The following OSBPL3 variants were observed in gnomAD, a reference collection of about 807,000 sequenced individuals.
The protein encoded by OSBPL3 is oxysterol-binding protein-related protein 3.
Under a neutral mutation model 120.1 loss-of-function variants are expected in OSBPL3, and 65 were observed. The observed-to-expected ratio is 0.54, with a 90% CI of 0.44 to 0.67. The LOEUF is 0.67. Ranked by LOEUF, OSBPL3 falls within the 30% of genes least tolerant of loss-of-function variation. OSBPL3 has a pLI of 0.00. For synonymous variants in OSBPL3, 416 were observed against 402.6 expected (o/e 1.03, Z -0.40); for missense variants, 1,004 against 1,082.1 (o/e 0.93, Z 1.01).
chr7:24,916,372 A>C lies in OSBPL3; in HGVS notation c.-149-23751T>G, dbSNP rs1809548393. Among the ~76,000 whole-genome samples, 1 of 151,986 alleles carries C rather than the reference A, an allele frequency of 6.6e-6. No homozygotes were observed. The highest frequency in any genetic ancestry group is 1.5e-5 in the Non-Finnish European group (1 of 68,000). ...AGGCATGGCTGAAATAAATGTTAAC[A>C]TTTGTTATCTTCCGCTTGAGCTTTT... On this transcript the variant is annotated intron_variant, in intron 1 of 22. Transcript: ENST00000313367. The surrounding 1 kb of genome is among the most constrained non-coding windows in gnomAD (Gnocchi z 4.9).
intron 1 of OSBPL3, among the ~76,000 whole-genome samples, chr7:24,971,168 C>T (rs1816978515): frequency 6.6e-6 from 1 of 152,244 alleles, no homozygotes; most frequent in African/African-American, 2.4e-5. Flanking sequence ...CTGTTCAGCA[C>T]ACAGAGGGGG....
chr7:24,967,768 C>A lies in OSBPL3; in HGVS notation c.-150+12118G>T, dbSNP rs555178321. On this transcript the variant is annotated intron_variant, in intron 1 of 22. Transcript: ENST00000313367. This position sits in a 1 kb window ranked among gnomAD's most constrained non-coding sequence, Gnocchi z 5.6. ...GCCCCAAAGGTTCTATAGGTAAAGGCCCCCTTAACTGTCACAATTTTAACT... is the reference window on the plus strand; with the variant it reads ...GCCCCAAAGGTTCTATAGGTAAAGGACCCCTTAACTGTCACAATTTTAACT... Among the ~76,000 whole-genome samples, 9 of 152,244 alleles carry A rather than the reference C, an allele frequency of 5.9e-5. No individual in the cohort carries two copies. Among genetic ancestry groups the A allele is most frequent in the African/African-American group, 2.2e-4 (9 of 41,524 alleles).
At chr7:24,970,042 C>A (rs1385558282) in intron 1 of OSBPL3, among the ~76,000 whole-genome samples, 1 of 151,208 alleles carries the variant, frequency 6.6e-6, no homozygotes, top group Non-Finnish European at 1.5e-5. Flanking sequence ...TGCCTTGTTT[C>A]ATCCTAGCTA....
Position 24,852,712 on chromosome 7 carries a change from A to G in OSBPL3, c.1028-78T>C, listed in dbSNP as rs753311019. 10 of 977,670 alleles carry G rather than the reference A, an allele frequency of 1.0e-5. No individual in the cohort carries two copies. The highest frequency in any genetic ancestry group is 3.0e-4 in the Middle Eastern group (1 of 3,382). The allele number at this position is 977,670 out of a possible 1,614,324, so 60.6% of individuals were successfully genotyped here. ...AAATACAGAAAAAAACATATCTCTT[A>G]TAAAAGAAACAAGCAAAGTAACAGC... On this transcript the variant is annotated intron_variant, in intron 10 of 22. Coordinates refer to ENST00000313367, the MANE Select transcript of OSBPL3 (RefSeq NM_015550.4). This position sits in a 1 kb window ranked among gnomAD's most constrained non-coding sequence, Gnocchi z 4.1.
rs188723054 is a variant in OSBPL3, at chr7:24,899,325, G to A, written c.-149-6704C>T. 3.3e-5 allele frequency among the ~76,000 whole-genome samples: 5 copies of A among 152,262 alleles called. No individual in the cohort carries two copies. Among genetic ancestry groups the A allele is most frequent in the Admixed American group, 2.6e-4 (4 of 15,304 alleles). ...TACTGCTGGATTTGCCTTAGCTTTG[G>A]GGGAACTTGCATCTCTTTCCAGTTC... On this transcript the variant is annotated intron_variant, in intron 1 of 22. Transcript: ENST00000313367. The surrounding 1 kb of genome is among the most constrained non-coding windows in gnomAD (Gnocchi z 4.0).
At position 24,803,765 on chromosome 7, in the gene OSBPL3, T is replaced by C. The variant is rs147418650; in HGVS notation, c.2567+550A>G. Among the ~76,000 whole-genome samples, 12,681 of 150,656 alleles carry C rather than the reference T, an allele frequency of 0.084. 707 individuals are homozygous for C. The highest frequency in any genetic ancestry group is 0.14 in the South Asian group (668 of 4,782). On this transcript the variant is annotated intron_variant, in intron 22 of 22. Coordinates refer to ENST00000313367, the MANE Select transcript of OSBPL3 (RefSeq NM_015550.4). This position sits in a 1 kb window ranked among gnomAD's most constrained non-coding sequence, Gnocchi z 4.2. ...CAGCCTGGGTGACAGAGCGAGACTCTGTATCAGAAAAAAAAAAAATTATAT... is the reference window on the plus strand; with the variant it reads ...CAGCCTGGGTGACAGAGCGAGACTCCGTATCAGAAAAAAAAAAAATTATAT...
rs1800697890 is a variant in OSBPL3 at position 24,862,430 on chromosome 7, A to G, written c.871-661T>C. On this transcript the variant is annotated intron_variant, in intron 9 of 22. Transcript: ENST00000313367. The surrounding 1 kb of genome is among the most constrained non-coding windows in gnomAD (Gnocchi z 4.4). ...CATGTATCCAGGCGGTTAGTAATGG[A>G]TAGGTTTAAAATGCTTTTCTTTGCA... Among the ~76,000 whole-genome samples the G allele has an allele frequency of 1.3e-5, 2 of 152,142 alleles. No individual in the cohort carries two copies. The highest frequency in any genetic ancestry group is 4.8e-5 in the African/African-American group (2 of 41,422).
At position 24,959,331 on chromosome 7, in the gene OSBPL3, T is replaced by C. The variant is rs1815451760; in HGVS notation, c.-150+20555A>G. On this transcript the variant is annotated intron_variant, in intron 1 of 22. Transcript: ENST00000313367. This position sits in a 1 kb window ranked among gnomAD's most constrained non-coding sequence, Gnocchi z 4.3. ...CCCCAAACAGAAAAAAAAACAAATG[T>C]TTATCAATAGTAGAATGGATAAATA... is the stretch of plus-strand genomic sequence containing the variant. Among the ~76,000 whole-genome samples the C allele has an allele frequency of 6.6e-6, 1 of 152,022 alleles. No individual in the cohort carries two copies.
intron 18 of OSBPL3, among the ~76,000 whole-genome samples, chr7:24,816,179 C>A (rs974935826): frequency 1.3e-5 from 2 of 152,094 alleles, no homozygotes; most frequent in African/African-American, 4.8e-5. Context: ...TGCGTGCCAC[C>A]ACTATGCCTG....
intron 16 of OSBPL3, among the ~76,000 whole-genome samples, chr7:24,829,998 A>G (rs1796175817): frequency 6.6e-6 from 1 of 152,222 alleles, no homozygotes; most frequent in African/African-American, 2.4e-5. Flanking sequence ...TGAGGTACAT[A>G]TAACTGTCAT....
Position 24,863,421 on chromosome 7 carries a change from T to G in OSBPL3, c.777+75A>C. 7.2e-7 allele frequency: 1 copy of G among 1,398,476 alleles called. No individual in the cohort carries two copies. The allele number at this position is 1,398,476 out of a possible 1,614,324, so 86.6% of individuals were successfully genotyped here. On this transcript the variant is annotated intron_variant, in intron 8 of 22. Coordinates refer to ENST00000313367, the MANE Select transcript of OSBPL3 (RefSeq NM_015550.4). This position sits in a 1 kb window ranked among gnomAD's most constrained non-coding sequence, Gnocchi z 5.8. Reference sequence around the variant, plus strand: ...GAAGCAACTGACCACAGCATCCCACTGTTAGTGAAAGGCTGGGAGGAGAAA... The same window carrying G: ...GAAGCAACTGACCACAGCATCCCACGGTTAGTGAAAGGCTGGGAGGAGAAA...
At chr7:24,978,814 T>C (rs1817869903) in intron 1 of OSBPL3, among the ~76,000 whole-genome samples, 1 of 152,190 alleles carries the variant, frequency 6.6e-6, no homozygotes, top group Admixed American at 6.5e-5. Context: ...CGCAGACACA[T>C]GGAAACCGAC....
intron 1 of OSBPL3, among the ~76,000 whole-genome samples, chr7:24,958,288 T>C (rs555277445): frequency 6.6e-6 from 1 of 152,292 alleles, no homozygotes; most frequent in East Asian, 1.9e-4. Context: ...AAAAATGCTA[T>C]CTCCATGTGT....
Position 24,959,859 on chromosome 7 carries a change from G to T in OSBPL3, c.-150+20027C>A, listed in dbSNP as rs892992103. Among the ~76,000 whole-genome samples, 12 of 152,060 alleles carry T rather than the reference G, an allele frequency of 7.9e-5. No homozygotes were observed. The highest frequency in any genetic ancestry group is 2.7e-4 in the African/African-American group (11 of 41,420). ...ACCAAAGAGCCTACCACTGAAAACC[G>T]AACTTGAACAAAAAAGAATTTTCTA... On this transcript the variant is annotated intron_variant, in intron 1 of 22. Transcript: ENST00000313367. The surrounding 1 kb of genome is among the most constrained non-coding windows in gnomAD (Gnocchi z 4.3).
In OSBPL3 at chr7:24,965,719, T is replaced by C. The variant is rs1816295111; in HGVS notation, c.-150+14167A>G. On this transcript the variant is annotated intron_variant, in intron 1 of 22. Transcript: ENST00000313367. The surrounding 1 kb of genome is among the most constrained non-coding windows in gnomAD (Gnocchi z 4.3). ...GCAATCTGTTTTATTAAATAATTAATTTGTTTGTTTTTGTGGAGACTGAGT... is the reference window on the plus strand; with the variant it reads ...GCAATCTGTTTTATTAAATAATTAACTTGTTTGTTTTTGTGGAGACTGAGT... Among the ~76,000 whole-genome samples, 1 of 152,178 alleles carries C rather than the reference T, an allele frequency of 6.6e-6. No individual in the cohort carries two copies. Among genetic ancestry groups the C allele is most frequent in the African/African-American group, 2.4e-5 (1 of 41,444 alleles).
chr7:24,839,612 T>A (rs1422705409), intron 14 of OSBPL3, among the ~76,000 whole-genome samples: 1 of 152,044 alleles, frequency 6.6e-6, no homozygotes, highest in Non-Finnish European at 1.5e-5. Context: ...TCCTATCACA[T>A]TCCTAAATTA....
Position 24,802,552 on chromosome 7 carries a change from C to G in OSBPL3, c.2567+1763G>C, listed in dbSNP as rs1584160545. ...ATGACAGCATAATCACATTCTGTAT[C>G]TTGCATTTACATGGTAATGTGTTTC... is the stretch of plus-strand genomic sequence containing the variant. On this transcript the variant is annotated intron_variant, in intron 22 of 22. Transcript: ENST00000313367. The surrounding 1 kb of genome is among the most constrained non-coding windows in gnomAD (Gnocchi z 4.1). 1.3e-5 allele frequency among the ~76,000 whole-genome samples: 2 copies of G among 152,196 alleles called. No homozygotes were observed. Among genetic ancestry groups the G allele is most frequent in the East Asian group, 3.8e-4 (2 of 5,198 alleles).
Position 24,804,442 on chromosome 7 carries a change from G to A in OSBPL3, c.2445-5C>T. On this transcript the variant is annotated splice_polypyrimidine_tract_variant and splice_region_variant and intron_variant, in intron 21 of 22. Coordinates refer to ENST00000313367, the MANE Select transcript of OSBPL3 (RefSeq NM_015550.4). The surrounding 1 kb of genome is among the most constrained non-coding windows in gnomAD (Gnocchi z 5.4). The stretch of plus-strand genomic sequence containing the variant: ...AAGTTCCCTTCCTCTAGAAACCTGA[G>A]GCATCGAGGAAAAAAAAATGAAAGG... The A allele has an allele frequency of 1.9e-6, 3 of 1,610,840 alleles. No homozygotes were observed. Among genetic ancestry groups the A allele is most frequent in the Non-Finnish European group, 2.5e-6 (3 of 1,178,944 alleles).
chr7:24,948,857 A>G (rs1481381383), intron 1 of OSBPL3, among the ~76,000 whole-genome samples: 1 of 152,224 alleles, frequency 6.6e-6, no homozygotes, highest in Non-Finnish European at 1.5e-5. Context: ...ATGAGTCATC[A>G]CAGGAAATCA....
Sources: allele counts gnomAD v4.1 joint callset (sites outside exome capture counted in the v4.1 genomes callset), GRCh38; gene constraint gnomAD v4.1.1; non-coding constraint Gnocchi (gnomAD v3.1); transcripts MANE v1.5; gene names NCBI Gene and HGNC (gene_info 2026-07-23, HGNC 2026-07-21).